WWOX: variants seen among roughly 807,000 people sequenced by gnomAD.
The protein encoded by WWOX is WW domain containing oxidoreductase.
Under a neutral mutation model 46.2 loss-of-function variants are expected in WWOX, and 69 were observed. The observed-to-expected ratio is 1.49, with a 90% CI of 1.23 to 1.82. WWOX has a LOEUF of 1.82. Among genes scored for constraint, WWOX ranks in the 40% most tolerant of loss-of-function variants. WWOX has a pLI of 0.00. For missense variants in WWOX, 919 were observed against 542.6 expected (o/e 1.69, Z -6.89); for synonymous variants, 359 against 202.6 (o/e 1.77, Z -6.56).
chr16:78,389,003 C>G (rs1016689607), intron 6 of WWOX, among the ~76,000 whole-genome samples: 21 of 151,548 alleles, frequency 1.4e-4, no homozygotes, highest in African/African-American at 4.8e-4. Context: ...CAGGCTCTTG[C>G]TGGAGTATGT....
chr16:78,632,673 C>G (rs1361056894), intron 8 of WWOX, among the ~76,000 whole-genome samples: 1 of 147,734 alleles, frequency 6.8e-6, no homozygotes, highest in Admixed American at 7.0e-5. Context: ...ATTCTCCTGC[C>G]TCAGCCTCTC....
chr16:78,966,512 G>T (rs946942968), intron 8 of WWOX, among the ~76,000 whole-genome samples: 3 of 148,194 alleles, frequency 2.0e-5, no homozygotes, highest in African/African-American at 5.0e-5. Context: ...TATGACTGTA[G>T]TTTTTTTTTT....
intron 8 of WWOX, among the ~76,000 whole-genome samples, chr16:79,173,648 A>T (rs1464455490): frequency 6.6e-6 from 1 of 152,168 alleles, no homozygotes; most frequent in Non-Finnish European, 1.5e-5. Context: ...AAGAAAAAAA[A>T]AAAACCCACC....
intron 5 of WWOX, among the ~76,000 whole-genome samples, chr16:78,354,267 T>C (rs1053615502): frequency 2.7e-5 from 4 of 149,492 alleles, no homozygotes; most frequent in East Asian, 2.2e-4. Context: ...ATTAATCTCT[T>C]TTTGCTTGGC....
At chr16:78,716,694 G>A (rs1040572331) in intron 8 of WWOX, among the ~76,000 whole-genome samples, 1 of 151,728 alleles carries the variant, frequency 6.6e-6, no homozygotes, top group African/African-American at 2.4e-5. Flanking sequence ...AGAATCATGG[G>A]ACCACCTCCA....
At chr16:78,434,069 G>T (rs931735604) in intron 8 of WWOX, among the ~76,000 whole-genome samples, 3 of 152,034 alleles carry the variant, frequency 2.0e-5, no homozygotes, top group African/African-American at 4.8e-5. Flanking sequence ...GATTACAGGC[G>T]TGAGCCACCG....
intron 8 of WWOX, among the ~76,000 whole-genome samples, chr16:79,060,127 A>G (rs959066197): frequency 6.6e-5 from 10 of 152,168 alleles, no homozygotes; most frequent in African/African-American, 2.2e-4. Context: ...GTCAACCACC[A>G]TTGTCCTCAC....
At chr16:78,433,079 T>A (rs765552562) in intron 8 of WWOX, among the ~76,000 whole-genome samples, 3 of 152,184 alleles carry the variant, frequency 2.0e-5, no homozygotes, top group Admixed American at 6.5e-5. Context: ...AAAATCTATT[T>A]TGTTGAATGG....
chr16:78,185,074 TGACTCCTGC>T (rs573377247), intron 5 of WWOX, among the ~76,000 whole-genome samples: 128 of 152,264 alleles, frequency 8.4e-4, no homozygotes, highest in South Asian at 1.9e-3. Flanking sequence ...GGCTCAAAAG[TGACTCCTGC>T]CATCTCTGCT....
intron 8 of WWOX, among the ~76,000 whole-genome samples, chr16:78,570,090 T>G (rs1417230147): frequency 6.6e-6 from 1 of 152,178 alleles, no homozygotes; most frequent in East Asian, 1.9e-4. Flanking sequence ...TTCATATAAC[T>G]TCTTTATTGG....
At chr16:78,436,443 C>G (rs2083337277) in intron 8 of WWOX, among the ~76,000 whole-genome samples, 1 of 152,120 alleles carries the variant, frequency 6.6e-6, no homozygotes, top group Admixed American at 6.5e-5. Flanking sequence ...TTATATGTCA[C>G]AAATGGACTT....
At chr16:78,400,886 C>T (rs574536468) in intron 6 of WWOX, among the ~76,000 whole-genome samples, 8 of 152,328 alleles carry the variant, frequency 5.3e-5, no homozygotes, top group East Asian at 1.9e-4. Flanking sequence ...TGCAGTGGCA[C>T]GATCACAGCT....
intron 8 of WWOX, among the ~76,000 whole-genome samples, chr16:78,782,045 C>G (rs926549407): frequency 6.6e-6 from 1 of 152,206 alleles, no homozygotes; most frequent in African/African-American, 2.4e-5. Context: ...GGTGAACTCT[C>G]TGTCTTTGGA....
intron 5 of WWOX, among the ~76,000 whole-genome samples, chr16:78,201,746 C>T (rs1230052598): frequency 1.3e-5 from 2 of 151,938 alleles, no homozygotes; most frequent in Non-Finnish European, 2.9e-5. Context: ...GTCACCAAGT[C>T]TGGAGTGCAG....
intron 8 of WWOX, among the ~76,000 whole-genome samples, chr16:78,673,659 C>T (rs1309716975): frequency 6.6e-6 from 1 of 152,148 alleles, no homozygotes; most frequent in Non-Finnish European, 1.5e-5. Context: ...AATTTGGAGC[C>T]ACCATTACGA....
intron 8 of WWOX, among the ~76,000 whole-genome samples, chr16:79,084,979 G>T (rs2048827776): frequency 6.6e-6 from 1 of 151,910 alleles, no homozygotes. Flanking sequence ...AGGCTGGAGT[G>T]CAGTGGCACA....
At chr16:78,173,851 G>A (rs1229433194) in intron 5 of WWOX, among the ~76,000 whole-genome samples, 2 of 152,150 alleles carry the variant, frequency 1.3e-5, no homozygotes, top group East Asian at 3.9e-4. Flanking sequence ...CTGGAAGTCC[G>A]AGACGAGGGT....
intron 8 of WWOX, among the ~76,000 whole-genome samples, chr16:78,517,670 G>A (rs1345890189): frequency 6.6e-6 from 1 of 152,114 alleles, no homozygotes; most frequent in Non-Finnish European, 1.5e-5. Flanking sequence ...TCTGGTGGAA[G>A]CGCGAGGTGG....
intron 8 of WWOX, among the ~76,000 whole-genome samples, chr16:78,684,120 C>T (rs909087259): frequency 6.6e-6 from 1 of 152,208 alleles, no homozygotes; most frequent in Admixed American, 6.5e-5. Context: ...CTCATGGCAT[C>T]TTTTTATCAG....
Sources: allele counts gnomAD v4.1 joint callset (sites outside exome capture counted in the v4.1 genomes callset), GRCh38; gene constraint gnomAD v4.1.1; transcripts MANE v1.5; gene names NCBI Gene and HGNC (gene_info 2026-07-23, HGNC 2026-07-21).